The following RECQL5 variants were observed in gnomAD, a reference collection of about 807,000 sequenced individuals.
RECQL5 encodes the protein ATP-dependent DNA helicase Q5.
A neutral mutation model predicts 103.4 loss-of-function variants in RECQL5; 88 were observed. That is an observed-to-expected ratio of 0.85 (90% confidence interval 0.72 to 1.02). The LOEUF (loss-of-function observed/expected upper bound fraction) is 1.02, where lower values mean the gene tolerates loss of function less well. RECQL5 is among the 50% of genes least tolerant of loss of function. The probability of loss-of-function intolerance (pLI) is 0.00; values close to 1 mark genes in which losing one functional copy is unlikely to be tolerated. For synonymous variants in RECQL5, 552 were observed against 507.9 expected, an observed-to-expected ratio of 1.09 and a Z score of -1.17; for missense variants, 1,232 against 1,284.3, an observed-to-expected ratio of 0.96 and a Z score of 0.62.
At position 75,640,360 on chromosome 17, in the gene RECQL5, T is replaced by C. The variant is rs2059412990; in HGVS notation, c.1230-8692A>G. The C allele has an allele frequency of 1.3e-6, 2 of 1,512,406 alleles. No individual in the cohort carries two copies. Among genetic ancestry groups the C allele is most frequent in the Non-Finnish European group, 1.8e-6 (2 of 1,124,842 alleles). The allele number at this position is 1,512,406 out of a possible 1,614,324, so 93.7% of individuals were successfully genotyped here. A position where few individuals can be genotyped will look rare whatever the true frequency, so the allele number is the denominator to read the frequency against. On this transcript the variant is annotated intron_variant, in intron 8 of 19. Coordinates refer to ENST00000317905, the MANE Select transcript of RECQL5 (RefSeq NM_004259.7). This position sits in a 1 kb window ranked among gnomAD's most constrained non-coding sequence, Gnocchi z 4.6. ...TGGGGCACTCAGCACCCCATGGCTCTCCCTGGCATCTGGGAGAGACCACAC... is the reference window on the plus strand; with the variant it reads ...TGGGGCACTCAGCACCCCATGGCTCCCCCTGGCATCTGGGAGAGACCACAC...
At chr17:75,650,003 CAG>C in intron 8 of RECQL5, 1 of 985,606 alleles carries the variant, frequency 1.0e-6, no homozygotes. Context: ...GTTAACCCTC[CAG>C]AGAGCATTCC....
intron 2 of RECQL5, among the ~76,000 whole-genome samples, chr17:75,666,000 T>C (rs1214849827): frequency 6.6e-6 from 1 of 152,228 alleles, no homozygotes; most frequent in Non-Finnish European, 1.5e-5. Context: ...GTTAAGTTAT[T>C]CCTACCACCC....
In RECQL5 at chr17:75,650,324, CAGG is replaced by C. The variant is rs1249767812; in HGVS notation, c.1229+859_1229+861del. 2.1e-5 allele frequency: 22 copies of C among 1,059,132 alleles called. No homozygotes were observed. The East Asian group carries it at 1.4e-3, about 68-fold the overall frequency. The allele number at this position is 1,059,132 out of a possible 1,614,324, so 65.6% of individuals were successfully genotyped here. On this transcript the variant is annotated intron_variant, in intron 8 of 19. Coordinates refer to ENST00000317905, the MANE Select transcript of RECQL5 (RefSeq NM_004259.7). The stretch of plus-strand genomic sequence containing the variant: ...CAGAAGCCACCGACTCACTGGTCAA[CAGG>C]AGGAGGTGGAAATAAAAACACACAG...
rs568115931 is a variant in RECQL5, at chr17:75,659,070, T to A, written c.987-610A>T. Among the ~76,000 whole-genome samples the A allele has an allele frequency of 4.6e-5, 7 of 152,268 alleles. No individual in the cohort carries two copies. The South Asian group carries it at 1.0e-3, about 23-fold the overall frequency. On this transcript the variant is annotated intron_variant, in intron 6 of 19. Transcript: ENST00000317905. ...TATTTATTTTGCTTGTTTTTTATTT[T>A]ATTTTATTTTTAGATGGAGTCTTGC...
In RECQL5 at chr17:75,628,109, C is replaced by G. The variant is rs2059135760; in HGVS notation, c.2805+109G>C. The G allele has an allele frequency of 4.1e-6, 4 of 968,026 alleles. No homozygotes were observed. In the South Asian group the frequency reaches 5.8e-5, roughly 14 times the overall value. The allele number at this position is 968,026 out of a possible 1,614,324, so 60.0% of individuals were successfully genotyped here. On this transcript the variant is annotated intron_variant, in intron 18 of 19. Transcript: ENST00000317905. ...GGCCCCAGGGAGGACGGGCGTGGGGCTGGCCCTAGGCCCACTGTGTTCTGG... is the reference window on the plus strand; with the variant it reads ...GGCCCCAGGGAGGACGGGCGTGGGGGTGGCCCTAGGCCCACTGTGTTCTGG...
chr17:75,661,781 C>T, intron 4 of RECQL5, 73 bp from the exon 5 acceptor site: 2 of 1,115,342 alleles, frequency 1.8e-6, no homozygotes, highest in East Asian at 2.4e-5. Flanking sequence ...ATGCACCCTG[C>T]TCTAAAAGAA....
chr17:75,649,767 A>G (rs1291444335), intron 8 of RECQL5: 1 of 985,372 alleles, frequency 1.0e-6, no homozygotes, highest in Non-Finnish European at 1.2e-6. Context: ...GAATCATCAC[A>G]TGTAGCAAAG....
Position 75,629,090 on chromosome 17 carries a change from A to T in RECQL5, c.2333T>A (p.Leu778Gln), listed in dbSNP as rs763597090. 5.6e-5 allele frequency: 91 copies of T among 1,613,544 alleles called. No homozygotes were observed. In the African/African-American group the frequency reaches 1.1e-3, roughly 19 times the overall value. The change falls in exon 16 of 20, where the codon CTG becomes CAG. Residue 778 changes from leucine (L) to glutamine (Q), a missense_variant. Transcript: ENST00000317905. ...FCRRVESPAL[L>Q]ASAPEAEGAC... ...ACCTTCTGCCTCTGGGGCTGATGCC[A>T]GCAGAGCTGGGCTTTCCACCCTTCG...
chr17:75,630,350 T>TCCAGGCCTACCCCA, intron 13 of RECQL5, 73 bp from the exon 14 acceptor site: 1 of 1,355,368 alleles, frequency 7.4e-7, no homozygotes, highest in Non-Finnish European at 1.0e-6. Context: ...CTTGCGGGAC[T>TCCAGGCCTACCCCA]CCAGGCCTGG....
At chr17:75,654,234 G>A (rs1372905570) in intron 7 of RECQL5, among the ~76,000 whole-genome samples, 3 of 152,156 alleles carry the variant, frequency 2.0e-5, no homozygotes, top group Admixed American at 1.3e-4. Flanking sequence ...TTAGATTTCA[G>A]TATGTTATTA....
Position 75,629,745 on chromosome 17 carries a change from T to A in RECQL5, c.1910A>T (p.Asn637Ile), listed in dbSNP as rs199545184. 1 of 1,613,384 alleles carries A rather than the reference T, an allele frequency of 6.2e-7. No individual in the cohort carries two copies. Among genetic ancestry groups the A allele is most frequent in the Non-Finnish European group, 8.5e-7 (1 of 1,179,734 alleles). Residue 637 changes from asparagine to isoleucine, a missense_variant, in exon 15 of 20, where the codon AAT becomes ATT. By Grantham distance (149) the Asn-to-Ile change is moderately radical. Transcript: ENST00000317905. ...GGAGGCTGGTGGAATGTCATACTCA[T>A]TGGGCTCCGGGGGCTCAGCTTGGGC... ...CSAQAEPPEP[N>I]EYDIPPASHV... is the part of the protein sequence containing the mutation.
At chr17:75,655,897 G>A (rs1034764891) in intron 7 of RECQL5, among the ~76,000 whole-genome samples, 3 of 151,038 alleles carry the variant, frequency 2.0e-5, no homozygotes, top group Admixed American at 1.3e-4. Flanking sequence ...GGGCCGGATG[G>A]TCCTGAACTC....
At chr17:75,646,053 AGCACCAGG>A (rs2059485137) in intron 8 of RECQL5, among the ~76,000 whole-genome samples, 1 of 152,228 alleles carries the variant, frequency 6.6e-6, no homozygotes, top group Non-Finnish European at 1.5e-5. Flanking sequence ...CTAGGTTTCA[AGCACCAGG>A]GCACAGGCTT....
Position 75,640,719 on chromosome 17 carries a change from T to A in RECQL5, c.1230-9051A>T. The A allele has an allele frequency of 6.6e-7, 1 of 1,519,428 alleles. No homozygotes were observed. Among genetic ancestry groups the A allele is most frequent in the Non-Finnish European group, 8.9e-7 (1 of 1,128,364 alleles). 94.1% of individuals were successfully genotyped at this position (1,519,428 alleles called of 1,614,324 possible). The stretch of plus-strand genomic sequence containing the variant: ...GGGAAAGACCCTGGCAGGCAGTGGG[T>A]TTCTCTGGGAGGAGGGTGGGCATCC... On this transcript the variant is annotated intron_variant, in intron 8 of 19. Transcript: ENST00000317905. The surrounding 1 kb of genome is among the most constrained non-coding windows in gnomAD (Gnocchi z 4.6).
At position 75,631,571 on chromosome 17, in the gene RECQL5, G is replaced by A. The variant is rs368486497; in HGVS notation, c.1327C>T (p.Arg443Trp). The change falls in exon 9 of 20, where the codon CGG becomes TGG. Residue 443 changes from arginine (R) to tryptophan (W), a missense_variant. Arg to Trp is a moderately radical substitution (Grantham distance 101, BLOSUM62 -3). Coordinates refer to ENST00000317905, the MANE Select transcript of RECQL5 (RefSeq NM_004259.7). ...CTGCTGCGCTCCAAGGCCTCCAGCC[G>A]CCTCCGCACGGCCGTGGGGTTCTGG... is the stretch of plus-strand genomic sequence containing the variant. ...HCQNPTAVRR[R>W]LEALERSSSW... 156 of 1,613,002 alleles carry A rather than the reference G, an allele frequency of 9.7e-5. No individual in the cohort carries two copies. The highest frequency in any genetic ancestry group is 3.6e-4 in the East Asian group (16 of 44,886).
Position 75,627,114 on chromosome 17 carries a change from A to G in RECQL5, c.*308T>C, listed in dbSNP as rs757686474. The stretch of plus-strand genomic sequence containing the variant: ...CTGACTTAGAACTCGGGGAGGGGCC[A>G]CTCTTCCTTCCCCTTCTTCCAGCAG... On this transcript the variant is annotated 3_prime_UTR_variant, in exon 20 of 20. Coordinates refer to ENST00000317905, the MANE Select transcript of RECQL5 (RefSeq NM_004259.7). 2.9e-5 allele frequency: 15 copies of G among 516,776 alleles called. No homozygotes were observed. Among genetic ancestry groups the G allele is most frequent in the Non-Finnish European group, 4.1e-5 (11 of 267,074 alleles). 32.0% of individuals were successfully genotyped at this position (516,776 alleles called of 1,614,324 possible).
At chr17:75,648,714 C>A (rs2059518823) in intron 8 of RECQL5, among the ~76,000 whole-genome samples, 1 of 150,400 alleles carries the variant, frequency 6.6e-6, no homozygotes, top group Non-Finnish European at 1.5e-5. Context: ...ACTCCCATCA[C>A]CCAGGCTGCA....
intron 4 of RECQL5, 30 bp from the exon 5 acceptor site, chr17:75,661,738 G>A (rs1356470558): frequency 1.9e-6 from 3 of 1,539,898 alleles, no homozygotes; most frequent in Admixed American, 1.7e-5. Flanking sequence ...AAGAAAATAA[G>A]CATAGCAAGA....
chr17:75,637,342 G>C (rs933561990), intron 8 of RECQL5: 6 of 152,396 alleles, frequency 3.9e-5, no homozygotes, highest in Non-Finnish European at 8.8e-5. Flanking sequence ...GAAAACGCCA[G>C]ACCAAGTGTA....
Sources: allele counts gnomAD v4.1 joint callset (sites outside exome capture counted in the v4.1 genomes callset), GRCh38; gene constraint gnomAD v4.1.1; non-coding constraint Gnocchi (gnomAD v3.1); transcripts MANE v1.5; gene names NCBI Gene and HGNC (gene_info 2026-07-23, HGNC 2026-07-21).